The following MAGI2 variants were observed in gnomAD, a reference collection of about 807,000 sequenced individuals.
MAGI2 encodes the protein membrane-associated guanylate kinase, WW and PDZ domain-containing protein 2.
A neutral mutation model predicts 133.3 loss-of-function variants in MAGI2; 35 were observed. The observed-to-expected ratio is 0.26, with a 90% confidence interval of 0.20 to 0.35. The LOEUF is 0.35. Among genes scored for constraint, MAGI2 ranks in the 10% least tolerant of loss-of-function variants. The pLI is 1.00. For synonymous variants in MAGI2, 729 were observed against 710.6 expected (o/e 1.03, Z -0.41); for missense variants, 1,636 against 1,863.4 (o/e 0.88, Z 2.25).
chr7:79,169,978 T>C (rs1263627486), intron 1 of MAGI2, among the ~76,000 whole-genome samples: 1 of 151,924 alleles, frequency 6.6e-6, no homozygotes, highest in Non-Finnish European at 1.5e-5. Flanking sequence ...TTTCAATTGA[T>C]GTTTATTCAA....
chr7:79,084,370 A>G (rs1319224816), intron 1 of MAGI2, among the ~76,000 whole-genome samples: 4 of 151,582 alleles, frequency 2.6e-5, no homozygotes, highest in African/African-American at 9.7e-5. Context: ...TTTTTGAAGG[A>G]TTTTATAATT....
chr7:78,168,803 A>G (rs1825853804), intron 14 of MAGI2, among the ~76,000 whole-genome samples: 1 of 152,254 alleles, frequency 6.6e-6, no homozygotes, highest in Admixed American at 6.5e-5. Flanking sequence ...ACAAAGATTG[A>G]AAGTTTTCTT....
At chr7:78,481,796 A>G (rs1262044385) in intron 6 of MAGI2, among the ~76,000 whole-genome samples, 1 of 151,944 alleles carries the variant, frequency 6.6e-6, no homozygotes, top group East Asian at 1.9e-4. Context: ...CATAAAAAAT[A>G]AAACTATACA....
At chr7:79,422,344 T>C (rs373143880) in intron 1 of MAGI2, among the ~76,000 whole-genome samples, 1 of 152,146 alleles carries the variant, frequency 6.6e-6, no homozygotes, top group East Asian at 1.9e-4. Flanking sequence ...CTAATCCAAA[T>C]GCAAATCATG....
intron 3 of MAGI2, among the ~76,000 whole-genome samples, chr7:78,541,769 G>A (rs1798430151): frequency 6.6e-6 from 1 of 152,128 alleles, no homozygotes; most frequent in Non-Finnish European, 1.5e-5. Flanking sequence ...CCCTTAATGA[G>A]AGACCAATTA....
At chr7:78,908,820 A>G (rs1798168182) in intron 2 of MAGI2, among the ~76,000 whole-genome samples, 1 of 152,190 alleles carries the variant, frequency 6.6e-6, no homozygotes, top group Non-Finnish European at 1.5e-5. Context: ...GTAGATCACT[A>G]CTATAGAATG....
rs144245825 is a variant in MAGI2, at chr7:78,194,406, C to A, written c.2269+468G>T. Among the ~76,000 whole-genome samples the A allele has an allele frequency of 3.7e-4, 56 of 152,180 alleles. No homozygotes were observed. The South Asian group carries it at 4.6e-3, about 12-fold the overall frequency. On this transcript the variant is annotated intron_variant, in intron 12 of 21. Transcript: ENST00000354212. ...TTGGCACCTAGATCAGTACTGCATTCGAAACCAATTGATTTCATGCTTGTG... is the reference window on the plus strand; with the variant it reads ...TTGGCACCTAGATCAGTACTGCATTAGAAACCAATTGATTTCATGCTTGTG...
intron 2 of MAGI2, among the ~76,000 whole-genome samples, chr7:78,714,763 C>A (rs1357340696): frequency 6.6e-6 from 1 of 152,106 alleles, no homozygotes; most frequent in Non-Finnish European, 1.5e-5. Context: ...GAGGGAAATG[C>A]AAAGGCTTTC....
chr7:78,608,461 G>A (rs1806068334), intron 3 of MAGI2, among the ~76,000 whole-genome samples: 1 of 147,682 alleles, frequency 6.8e-6, no homozygotes, highest in Non-Finnish European at 1.5e-5. Flanking sequence ...ATATATATAT[G>A]TGTGTGTATG....
rs1230205817 is a variant in MAGI2, at chr7:78,965,191, C to A, written c.418+41899G>T. Among the ~76,000 whole-genome samples, 5 of 151,092 alleles carry A rather than the reference C, an allele frequency of 3.3e-5. No individual in the cohort carries two copies. The South Asian group carries it at 8.3e-4, about 25-fold the overall frequency. On this transcript the variant is annotated intron_variant, in intron 2 of 21. Transcript: ENST00000354212. ...CTAAATCTAATTAATTAATATAAAT[C>A]TAATTAATGTTATTGTTAATAACAA...
At chr7:78,427,020 T>C (rs1036709701) in intron 6 of MAGI2, among the ~76,000 whole-genome samples, 1 of 152,164 alleles carries the variant, frequency 6.6e-6, no homozygotes, top group Non-Finnish European at 1.5e-5. Context: ...CTCTAACATT[T>C]TACATGAAAT....
chr7:78,212,212 T>C (rs6976643), intron 10 of MAGI2, among the ~76,000 whole-genome samples: 44,296 of 152,152 alleles, frequency 0.29, 7,029 homozygotes, highest in Admixed American at 0.35. Context: ...GTGTGATAGG[T>C]GGAACAGTGG....
intron 21 of MAGI2, among the ~76,000 whole-genome samples, chr7:78,033,968 C>T (rs1809888809): frequency 6.6e-6 from 1 of 152,186 alleles, no homozygotes; most frequent in African/African-American, 2.4e-5. Context: ...CTTACCTAAA[C>T]AGATGAGTCA....
chr7:78,826,785 G>A (rs901826751), intron 2 of MAGI2, among the ~76,000 whole-genome samples: 2 of 152,122 alleles, frequency 1.3e-5, no homozygotes, highest in Non-Finnish European at 2.9e-5. Flanking sequence ...GATGACCTAA[G>A]TGACTGAAAT....
At chr7:78,834,807 T>A (rs375437571) in intron 2 of MAGI2, among the ~76,000 whole-genome samples, 1 of 152,130 alleles carries the variant, frequency 6.6e-6, no homozygotes, top group East Asian at 1.9e-4. Flanking sequence ...TATGGCTTGG[T>A]GCTGTACTTG....
chr7:78,491,422 A>C (rs2082865172), intron 5 of MAGI2, among the ~76,000 whole-genome samples: 1 of 152,108 alleles, frequency 6.6e-6, no homozygotes, highest in African/African-American at 2.4e-5. Context: ...AGAAGACGCC[A>C]TTTTATTTCT....
At chr7:78,530,300 CTAG>C (rs1797354778) in intron 3 of MAGI2, among the ~76,000 whole-genome samples, 1 of 152,200 alleles carries the variant, frequency 6.6e-6, no homozygotes, top group East Asian at 1.9e-4. Context: ...TATTAAGCAT[CTAG>C]CAGATGTACA....
chr7:78,640,544 T>C (rs1810176086), intron 2 of MAGI2, among the ~76,000 whole-genome samples: 1 of 152,168 alleles, frequency 6.6e-6, no homozygotes, highest in African/African-American at 2.4e-5. Context: ...TTTAGATAAA[T>C]CTTTACCTCC....
chr7:78,642,139 C>G (rs1175539467), intron 2 of MAGI2, among the ~76,000 whole-genome samples: 1 of 151,986 alleles, frequency 6.6e-6, no homozygotes. Flanking sequence ...CTGTAATATC[C>G]CATGTGTATG....
Sources: gnomAD v4.1 joint callset for allele counts (sites outside exome capture counted in the v4.1 genomes callset) on GRCh38, gnomAD v4.1.1 for gene constraint, MANE v1.5 for transcripts, NCBI Gene and HGNC (gene_info 2026-07-23, HGNC 2026-07-21) for gene names.